CFAP99: variants seen among roughly 807,000 people sequenced by gnomAD.
CFAP99 encodes the protein cilia- and flagella-associated protein 99.
Under a neutral mutation model 82.7 loss-of-function variants are expected in CFAP99, and 84 were observed. The ratio of observed to expected loss-of-function variants is 1.02; its 90% CI spans 0.85 to 1.22. CFAP99 has a LOEUF of 1.22. CFAP99 is among the 50% of genes most tolerant of loss of function. The pLI, the probability that CFAP99 is intolerant of heterozygous loss-of-function variation, is 0.00. For synonymous variants in CFAP99, 456 were observed against 429.5 expected (o/e 1.06, Z -0.76); for missense variants, 1,059 against 983.5 (o/e 1.08, Z -1.03).
intron 11 of CFAP99, among the ~76,000 whole-genome samples, chr4:2,454,594 G>GTTTTTTTTTTTTTTTTTTTTTTTTT (rs1204498727): frequency 7.7e-4 from 65 of 84,522 alleles, no homozygotes; most frequent in Non-Finnish European, 1.1e-3. Context: ...TTTTTTTTTT[G>GTTTTTTTTTTTTTTTTTTTTTTTTT]TTTTTTTTTT....
intron 1 of CFAP99, among the ~76,000 whole-genome samples, chr4:2,419,472 G>A (rs1733493806): frequency 1.3e-5 from 2 of 152,286 alleles, no homozygotes; most frequent in South Asian, 4.1e-4. Context: ...TGGCTGTGGG[G>A]GTTGCATCCA....
chr4:2,452,210 C>T (rs1228231575), exon 11 of CFAP99: 16 of 1,536,054 alleles, frequency 1.0e-5, no homozygotes, highest in African/African-American at 4.1e-5. Context: ...AAGATGCAGG[C>T]GAAGGACCGG....
At chr4:2,429,832 C>T (rs1733763559) in intron 2 of CFAP99, among the ~76,000 whole-genome samples, 1 of 152,174 alleles carries the variant, frequency 6.6e-6, no homozygotes, top group Non-Finnish European at 1.5e-5. Context: ...ACCTTGTGAT[C>T]CGCCCGCCTC....
At position 2,426,512 on chromosome 4, in the gene CFAP99, G is replaced by T; in HGVS notation, c.37G>T (p.Glu13Ter). The change falls in exon 2 of 15, where the codon GAG (glutamate) becomes TAG (stop). Residue 13 changes from glutamate (E) to a stop codon, truncating the protein, a stop_gained. Coordinates refer to ENST00000635017, the Ensembl canonical transcript of CFAP99. LOFTEE classifies it high-confidence loss of function. The stretch of plus-strand genomic sequence containing the variant: ...TGGAAAATGCATTGAAACTGTGATC[G>T]AGCAACTCGACAAATTTACACCCAA... The T allele has an allele frequency of 1.3e-6, 2 of 1,535,958 alleles. No individual in the cohort carries two copies.
In CFAP99 at chr4:2,451,024, G is replaced by A; in HGVS notation, c.867+6G>A. 1.3e-6 allele frequency: 2 copies of A among 1,535,484 alleles called. No homozygotes were observed. The highest frequency in any genetic ancestry group is 1.7e-6 in the Non-Finnish European group (2 of 1,146,620). On this transcript the variant is annotated splice_donor_region_variant and intron_variant, in intron 9 of 14. Coordinates refer to ENST00000635017, the Ensembl canonical transcript of CFAP99. Reference sequence around the variant, plus strand: ...CGAAGCTGACCTTCTATAGGGTGAGGGGTGCTCCTGGATGGTCAGGCTGCT... The same window carrying A: ...CGAAGCTGACCTTCTATAGGGTGAGAGGTGCTCCTGGATGGTCAGGCTGCT...
chr4:2,460,233 C>T (rs1734589682), exon 14 of CFAP99: 2 of 1,536,114 alleles, frequency 1.3e-6, no homozygotes, highest in African/African-American at 2.7e-5. Flanking sequence ...GGGAGATCCG[C>T]AGCCTTGAGG....
exon 12 of CFAP99, chr4:2,458,730 A>C: frequency 6.5e-7 from 1 of 1,533,764 alleles, no homozygotes; most frequent in Non-Finnish European, 8.7e-7. Context: ...CAGATGGCCA[A>C]GCTGATGCTG....
At position 2,442,921 on chromosome 4, in the gene CFAP99, T is replaced by TG. The variant is rs552079092; in HGVS notation, c.352-205dup. Among the ~76,000 whole-genome samples, 820 of 84,238 alleles carry TG rather than the reference T, an allele frequency of 9.7e-3. 32 individuals carry two copies. Among genetic ancestry groups the TG allele is most frequent in the Middle Eastern group, 0.056 (7 of 124 alleles). The allele number at this position is 84,238 out of a possible 152,430, so 55.3% of individuals were successfully genotyped here. ...GGGGCCTTGGGGGCAGGGAGCTCAC[T>TG]GGGGTGCTGGGGGCCTTGGGGGGAG... is the stretch of plus-strand genomic sequence containing the variant. On this transcript the variant is annotated intron_variant, in intron 4 of 14. Coordinates refer to ENST00000635017, the Ensembl canonical transcript of CFAP99.
At chr4:2,452,432 G>C in intron 11 of CFAP99, 86 bp downstream of exon 11, 1 of 1,391,284 alleles carries the variant, frequency 7.2e-7, no homozygotes, top group Non-Finnish European at 9.8e-7. Flanking sequence ...GCTGGCAGTG[G>C]AGCTGAGTGT....
intron 10 of CFAP99, among the ~76,000 whole-genome samples, chr4:2,451,888 A>C (rs1343816980): frequency 1.4e-5 from 2 of 145,400 alleles, no homozygotes; most frequent in Non-Finnish European, 3.0e-5. Context: ...AGTTGGACAG[A>C]GTGAGGGTAG....
chr4:2,437,262 AGCTCCCAAAGGCAGCCCGGACAAC>A (rs1733938099), intron 3 of CFAP99, among the ~76,000 whole-genome samples: 1 of 152,222 alleles, frequency 6.6e-6, no homozygotes, highest in Non-Finnish European at 1.5e-5. Flanking sequence ...TAGGGCATCC[AGCTCCCAAAGGCAGCCCGGACAAC>A]ACGAGAGCCT....
At chr4:2,452,370 G>A in intron 11 of CFAP99, 24 bp downstream of exon 11, 3 of 1,529,152 alleles carry the variant, frequency 2.0e-6, no homozygotes, top group Non-Finnish European at 2.6e-6. Context: ...AGGGCAGCTG[G>A]GCATGGGGCA....
At chr4:2,454,297 G>A (rs910746075) in intron 11 of CFAP99, among the ~76,000 whole-genome samples, 6 of 152,132 alleles carry the variant, frequency 3.9e-5, no homozygotes, top group Admixed American at 2.6e-4. Flanking sequence ...CACCGTGCCC[G>A]GCCTACTTTT....
chr4:2,423,937 C>T (rs1411425339), intron 1 of CFAP99, among the ~76,000 whole-genome samples: 1 of 152,268 alleles, frequency 6.6e-6, no homozygotes, highest in Non-Finnish European at 1.5e-5. Flanking sequence ...CGGGCAGTGA[C>T]GGTCCTGGCT....
At chr4:2,447,546 C>G (rs1734192078) in intron 6 of CFAP99, among the ~76,000 whole-genome samples, 1 of 146,864 alleles carries the variant, frequency 6.8e-6, no homozygotes, top group Admixed American at 6.8e-5. Context: ...GATGGATGAA[C>G]AGATGGGTGG....
At chr4:2,447,935 GGATGGA>G (rs1231379818) in intron 6 of CFAP99, among the ~76,000 whole-genome samples, 5 of 77,574 alleles carry the variant, frequency 6.4e-5, no homozygotes, top group South Asian at 4.6e-4. Flanking sequence ...ATGGGTGGAT[GGATGGA>G]TGGATGGATG....
At chr4:2,438,119 A>G (rs1377470529) in exon 4 of CFAP99, 7 of 1,535,210 alleles carry the variant, frequency 4.6e-6, no homozygotes, top group African/African-American at 1.4e-5. Flanking sequence ...GCTTCCAGCT[A>G]TTCTGTAACA....
At chr4:2,449,907 A>G (rs1382244302) in intron 7 of CFAP99, 27 bp from the exon 8 acceptor site, 2 of 1,535,830 alleles carry the variant, frequency 1.3e-6, no homozygotes, top group African/African-American at 2.7e-5. Context: ...GGCTGGTGGG[A>G]CTGGAGCCGC....
chr4:2,459,909 C>T (rs1052594783), intron 13 of CFAP99, 128 bp from the exon 14 acceptor site: 1 of 794,962 alleles, frequency 1.3e-6, no homozygotes, highest in East Asian at 2.7e-5. Context: ...GGGCATGTTT[C>T]ATAAGCAGTG....
Sources: gnomAD v4.1 joint callset for allele counts (sites outside exome capture counted in the v4.1 genomes callset) on GRCh38, gnomAD v4.1.1 for gene constraint, MANE v1.5 for transcripts, NCBI Gene and HGNC (gene_info 2026-07-23, HGNC 2026-07-21) for gene names.